RAD18: variants seen among roughly 807,000 people sequenced by gnomAD.
The protein encoded by RAD18 is E3 ubiquitin-protein ligase RAD18.
Under a neutral mutation model 60.4 loss-of-function variants are expected in RAD18, and 47 were observed. The ratio of observed to expected loss-of-function variants is 0.78; its 90% CI spans 0.62 to 0.99. RAD18 has a LOEUF of 0.99. Ranked by LOEUF, RAD18 falls within the 50% of genes least tolerant of loss-of-function variation. RAD18 has a pLI of 0.00. For synonymous variants in RAD18, 225 were observed against 195.5 expected (o/e 1.15, Z -1.26); for missense variants, 640 against 593.3 (o/e 1.08, Z -0.82).
chr3:8,884,467 A>C (rs555871435), intron 12 of RAD18, among the ~76,000 whole-genome samples: 12 of 151,970 alleles, frequency 7.9e-5, no homozygotes, highest in African/African-American at 2.9e-4. Flanking sequence ...TCACCATGTC[A>C]AATTTTTTAT....
intron 7 of RAD18, among the ~76,000 whole-genome samples, chr3:8,916,848 A>C (rs1940209741): frequency 6.6e-6 from 1 of 152,148 alleles, no homozygotes; most frequent in African/African-American, 2.4e-5. Flanking sequence ...AGCCTCTAAG[A>C]GCTATGGGAC....
chr3:8,892,589 C>T (rs1490879352), intron 11 of RAD18, among the ~76,000 whole-genome samples: 1 of 152,106 alleles, frequency 6.6e-6, no homozygotes, highest in East Asian at 1.9e-4. Context: ...TGTGTGCATG[C>T]ACACACACAT....
chr3:8,952,065 C>A (rs1241123174), intron 2 of RAD18, among the ~76,000 whole-genome samples: 3 of 152,216 alleles, frequency 2.0e-5, no homozygotes, highest in Non-Finnish European at 2.9e-5. Context: ...CAAACACCAA[C>A]ACATTGGGGT....
Position 8,941,667 on chromosome 3 carries a change from T to C in RAD18, c.404A>G (p.Asn135Ser). ...ACCACTCATTTCTCTGATCAAGAAATTATCCATTAACCTGCTCCCCTGCTT... is the reference window on the plus strand; with the variant it reads ...ACCACTCATTTCTCTGATCAAGAAACTATCCATTAACCTGCTCCCCTGCTT... ...SLKQGSRLMD[N>S]FLIREMSGST... is the part of the protein sequence containing the mutation. Residue 135 changes from asparagine to serine, a missense_variant, in exon 5 of 13, where the codon AAT becomes AGT. Transcript: ENST00000264926. 6.2e-7 allele frequency: 1 copy of C among 1,614,162 alleles called. No individual in the cohort carries two copies. Among genetic ancestry groups the C allele is most frequent in the Non-Finnish European group, 8.5e-7 (1 of 1,180,016 alleles).
chr3:8,946,410 C>T (rs894979237), intron 4 of RAD18, among the ~76,000 whole-genome samples: 3 of 152,210 alleles, frequency 2.0e-5, no homozygotes, highest in Non-Finnish European at 2.9e-5. Context: ...ACACATTTCT[C>T]AGAACACATC....
chr3:8,907,180 A>C (rs572519581), intron 9 of RAD18, among the ~76,000 whole-genome samples: 37 of 152,342 alleles, frequency 2.4e-4, no homozygotes, highest in African/African-American at 8.4e-4. Context: ...ACAGCCAGGA[A>C]ACTGTATTAT....
chr3:8,930,316 A>G (rs769739851), intron 7 of RAD18, among the ~76,000 whole-genome samples: 1 of 152,232 alleles, frequency 6.6e-6, no homozygotes, highest in Non-Finnish European at 1.5e-5. Context: ...ATAAAAGGCC[A>G]CATGCTATAT....
intron 7 of RAD18, among the ~76,000 whole-genome samples, chr3:8,921,053 A>G (rs946025819): frequency 6.6e-6 from 1 of 152,234 alleles, no homozygotes. Context: ...GGTAAAGGGT[A>G]AACACTATAT....
intron 9 of RAD18, among the ~76,000 whole-genome samples, chr3:8,903,169 T>C (rs971510867): frequency 3.3e-5 from 5 of 152,190 alleles, no homozygotes; most frequent in African/African-American, 1.2e-4. Flanking sequence ...TCTTTTTATC[T>C]TCTCCCTTCC....
chr3:8,893,542 A>G (rs1043238593), intron 11 of RAD18, among the ~76,000 whole-genome samples: 2 of 152,176 alleles, frequency 1.3e-5, no homozygotes, highest in African/African-American at 2.4e-5. Context: ...TATATGCCAA[A>G]TATTTTAGCA....
At chr3:8,933,524 A>G (rs2125064009) in intron 7 of RAD18, among the ~76,000 whole-genome samples, 1 of 152,378 alleles carries the variant, frequency 6.6e-6, no homozygotes, top group South Asian at 2.1e-4. Flanking sequence ...GGATATAAGG[A>G]AACTATAGAA....
chr3:8,927,017 A>G (rs1408446370), intron 7 of RAD18, among the ~76,000 whole-genome samples: 1 of 152,152 alleles, frequency 6.6e-6, no homozygotes, highest in Non-Finnish European at 1.5e-5. Flanking sequence ...TTCATGTCTA[A>G]AACACCAAAA....
At chr3:8,931,382 C>T (rs1191946041) in intron 7 of RAD18, 4 of 152,200 alleles carry the variant, frequency 2.6e-5, no homozygotes, top group Non-Finnish European at 4.4e-5. Flanking sequence ...AGCCATACCA[C>T]GACTGTGCAT....
At chr3:8,909,474 G>C (rs1212799969) in intron 9 of RAD18, among the ~76,000 whole-genome samples, 1 of 151,020 alleles carries the variant, frequency 6.6e-6, no homozygotes, top group African/African-American at 2.4e-5. Flanking sequence ...ATATTTAGAA[G>C]ATAGAGACTG....
intron 2 of RAD18, among the ~76,000 whole-genome samples, chr3:8,956,766 C>T (rs547164447): frequency 3.0e-5 from 3 of 100,112 alleles, no homozygotes; most frequent in Admixed American, 1.6e-4. Context: ...AAAAAATCCT[C>T]TCGCCTAACC....
chr3:8,944,154 A>T (rs1267433338), intron 4 of RAD18, among the ~76,000 whole-genome samples: 1 of 152,224 alleles, frequency 6.6e-6, no homozygotes, highest in Non-Finnish European at 1.5e-5. Flanking sequence ...TAATTAGAGG[A>T]TATTATGAAC....
At chr3:8,887,917 C>G (rs181607956) in intron 12 of RAD18, among the ~76,000 whole-genome samples, 1 of 152,152 alleles carries the variant, frequency 6.6e-6, no homozygotes, top group Non-Finnish European at 1.5e-5. Context: ...GCAAACTAAC[C>G]AATCCAGAGT....
chr3:8,951,833 G>A (rs762586377), intron 2 of RAD18, among the ~76,000 whole-genome samples: 2 of 152,184 alleles, frequency 1.3e-5, no homozygotes, highest in Non-Finnish European at 2.9e-5. Flanking sequence ...TCATGGTTCT[G>A]GAGGCTAAAA....
chr3:8,960,700 G>A (rs911980455), intron 1 of RAD18, among the ~76,000 whole-genome samples: 6 of 152,128 alleles, frequency 3.9e-5, no homozygotes, highest in Non-Finnish European at 7.4e-5. Context: ...TAAAAATAAA[G>A]TCTACAGAGT....
Sources: allele counts gnomAD v4.1 joint callset (sites outside exome capture counted in the v4.1 genomes callset), GRCh38; gene constraint gnomAD v4.1.1; transcripts MANE v1.5; gene names NCBI Gene and HGNC (gene_info 2026-07-23, HGNC 2026-07-21).